The following TBL1XR1 variants were observed in gnomAD, a reference collection of about 807,000 sequenced individuals.
TBL1XR1 encodes the protein F-box-like/WD repeat-containing protein TBL1XR1.
In TBL1XR1, 5 loss-of-function variants were observed where a neutral mutation model predicts 66.9. That is an observed-to-expected ratio of 0.07 (90% confidence interval 0.04 to 0.16). The LOEUF (loss-of-function observed/expected upper bound fraction) is 0.16, where lower values mean the gene tolerates loss of function less well. Among genes scored for constraint, TBL1XR1 ranks in the 10% least tolerant of loss-of-function variants. The pLI is 1.00. For synonymous variants in TBL1XR1, 210 were observed against 206.0 expected (o/e 1.02, Z -0.17); for missense variants, 238 against 623.2 (o/e 0.38, Z 6.58).
intron 1 of TBL1XR1, among the ~76,000 whole-genome samples, chr3:177,144,724 G>C (rs1452056757): frequency 6.6e-6 from 1 of 151,806 alleles, no homozygotes; most frequent in Non-Finnish European, 1.5e-5. Context: ...CTGCACTCCA[G>C]CCTGGGCGAC....
chr3:177,027,535 G>A (rs371886016), intron 14 of TBL1XR1: 52 of 152,296 alleles, frequency 3.4e-4, no homozygotes, highest in African/African-American at 1.1e-3. Context: ...TATGCTTCAG[G>A]TGTTCGGCCC....
At chr3:177,095,846 G>A (rs995923272) in intron 2 of TBL1XR1, among the ~76,000 whole-genome samples, 4 of 152,112 alleles carry the variant, frequency 2.6e-5, no homozygotes, top group African/African-American at 9.7e-5. Context: ...GGCAAAAAAG[G>A]ATGTTATGAA....
intron 2 of TBL1XR1, among the ~76,000 whole-genome samples, chr3:177,071,031 GTTTT>G (rs764951521): frequency 1.9e-5 from 2 of 104,714 alleles, no homozygotes; most frequent in Non-Finnish European, 1.8e-5. Context: ...CTGAGAATCT[GTTTT>G]TTTTTTTTTT....
Position 177,024,328 on chromosome 3 carries a change from A to G in TBL1XR1, c.*1170T>C, listed in dbSNP as rs1459465201. Reference sequence around the variant, plus strand: ...CATTTTGCCATGTAATGGCAGTGTTATATGCCGTTATCTTGCTTTGTATAA... The same window carrying G: ...CATTTTGCCATGTAATGGCAGTGTTGTATGCCGTTATCTTGCTTTGTATAA... On this transcript the variant is annotated 3_prime_UTR_variant, in exon 16 of 16. Coordinates refer to ENST00000457928, the MANE Select transcript of TBL1XR1 (RefSeq NM_024665.7). 6.6e-6 allele frequency: 1 copy of G among 152,592 alleles called. No homozygotes were observed. Among genetic ancestry groups the G allele is most frequent in the Non-Finnish European group, 1.5e-5 (1 of 67,996 alleles). 9.5% of individuals were successfully genotyped at this position (152,592 alleles called of 1,614,324 possible).
chr3:177,030,036 A>G (rs1368818504), intron 14 of TBL1XR1, among the ~76,000 whole-genome samples: 1 of 152,134 alleles, frequency 6.6e-6, no homozygotes, highest in African/African-American at 2.4e-5. Context: ...GTTAGGCACA[A>G]GCACGTAAAT....
At chr3:177,198,894 A>G (rs1737259455), upstream of TBL1XR1, among the ~76,000 whole-genome samples, 2 of 143,664 alleles carry the variant, frequency 1.4e-5, no homozygotes, top group African/African-American at 2.5e-5. Context: ...ACACACACAC[A>G]CACACACACA....
In TBL1XR1 at chr3:177,021,473, T is replaced by C. The variant is rs934379216; in HGVS notation, c.*4025A>G. On this transcript the variant is annotated 3_prime_UTR_variant, in exon 16 of 16. Transcript: ENST00000457928. ...TATCAATACCTCAGAACTACTGATATAAGACATCAAATTTCTAAATCAGTG... is the reference window on the plus strand; with the variant it reads ...TATCAATACCTCAGAACTACTGATACAAGACATCAAATTTCTAAATCAGTG... 1 of 152,488 alleles carries C rather than the reference T, an allele frequency of 6.6e-6. No individual in the cohort carries two copies. The highest frequency in any genetic ancestry group is 2.4e-5 in the African/African-American group (1 of 41,430). 9.4% of individuals were successfully genotyped at this position (152,488 alleles called of 1,614,324 possible).
At chr3:177,178,411 C>T (rs531142880) in intron 1 of TBL1XR1, among the ~76,000 whole-genome samples, 1 of 152,152 alleles carries the variant, frequency 6.6e-6, no homozygotes, top group Non-Finnish European at 1.5e-5. Flanking sequence ...TGACTTTACA[C>T]AGTCACATGC....
intron 12 of TBL1XR1, among the ~76,000 whole-genome samples, chr3:177,035,402 T>C (rs1714631862): frequency 6.8e-6 from 1 of 148,010 alleles, no homozygotes; most frequent in Admixed American, 6.8e-5. Flanking sequence ...CACAGTTTTG[T>C]CCCTGCCCCA....
intron 1 of TBL1XR1, among the ~76,000 whole-genome samples, chr3:177,105,409 G>C (rs1724758395): frequency 6.6e-6 from 1 of 152,190 alleles, no homozygotes; most frequent in African/African-American, 2.4e-5. Context: ...GAAATAATAT[G>C]AAGGGGGGAT....
intron 1 of TBL1XR1, among the ~76,000 whole-genome samples, chr3:177,143,652 T>C (rs1399576517): frequency 1.3e-5 from 2 of 152,232 alleles, no homozygotes; most frequent in Non-Finnish European, 2.9e-5. Context: ...TAAATTATTG[T>C]AACTACCATG....
intron 2 of TBL1XR1, among the ~76,000 whole-genome samples, chr3:177,068,146 T>C (rs1205647321): frequency 3.3e-5 from 5 of 152,186 alleles, no homozygotes; most frequent in Non-Finnish European, 7.3e-5. Flanking sequence ...ATAAACAGGA[T>C]ATTCAAAATA....
intron 2 of TBL1XR1, among the ~76,000 whole-genome samples, chr3:177,086,721 C>G (rs1181471321): frequency 1.3e-5 from 2 of 151,760 alleles, no homozygotes; most frequent in East Asian, 1.9e-4. Context: ...TATCACGGAA[C>G]ATATACAGTT....
Position 177,103,968 on chromosome 3 carries a change from T to C in TBL1XR1, c.-121-5427A>G, listed in dbSNP as rs373180275. Among the ~76,000 whole-genome samples the C allele has an allele frequency of 3.9e-5, 6 of 151,922 alleles. No homozygotes were observed. The East Asian group carries it at 5.8e-4, about 15-fold the overall frequency. ...TCATCTCTAATGAAAATACAAAAAT[T>C]AGCCAGGTATGGTGGCAGATGCCTG... On this transcript the variant is annotated intron_variant, in intron 1 of 15. Coordinates refer to ENST00000457928, the MANE Select transcript of TBL1XR1 (RefSeq NM_024665.7).
intron 1 of TBL1XR1, among the ~76,000 whole-genome samples, chr3:177,151,483 T>G (rs1482948645): frequency 6.6e-6 from 1 of 152,158 alleles, no homozygotes; most frequent in African/African-American, 2.4e-5. Flanking sequence ...ACTGCACATT[T>G]GAGGGACTTA....
At chr3:177,192,076 G>A (rs1319747775) in intron 1 of TBL1XR1, among the ~76,000 whole-genome samples, 2 of 132,278 alleles carry the variant, frequency 1.5e-5, no homozygotes. Context: ...ATGGGTGACA[G>A]AGCAAGACTC....
intron 10 of TBL1XR1, chr3:177,044,755 G>C (rs1716090470): frequency 1.3e-5 from 2 of 152,116 alleles, no homozygotes; most frequent in Admixed American, 1.3e-4. Flanking sequence ...AAAATACTTT[G>C]ATACTATGTA....
rs1026611166 is a variant in TBL1XR1, at chr3:177,079,267, T to TAA, written c.-45-14247_-45-14246dup. ...TAACACGGTGAAACCCCGTCTCCAC[T>TAA]AAAAAAATACAAAAAATTAGTTGGG... On this transcript the variant is annotated intron_variant, in intron 2 of 15. Coordinates refer to ENST00000457928, the MANE Select transcript of TBL1XR1 (RefSeq NM_024665.7). Among the ~76,000 whole-genome samples the TAA allele has an allele frequency of 2.0e-5, 3 of 149,742 alleles. No homozygotes were observed. In the South Asian group the frequency reaches 6.4e-4, roughly 32 times the overall value.
At chr3:177,112,098 TATA>T (rs1245733385) in intron 1 of TBL1XR1, among the ~76,000 whole-genome samples, 3 of 53,856 alleles carry the variant, frequency 5.6e-5, no homozygotes, top group East Asian at 6.4e-4. Flanking sequence ...TATATATATA[TATA>T]TATATATTTT....
Sources: gnomAD v4.1 joint callset for allele counts (sites outside exome capture counted in the v4.1 genomes callset) on GRCh38, gnomAD v4.1.1 for gene constraint, MANE v1.5 for transcripts, NCBI Gene and HGNC (gene_info 2026-07-23, HGNC 2026-07-21) for gene names.